The following CEP290 variants were observed in gnomAD, a reference collection of about 807,000 sequenced individuals.
CEP290 encodes centrosomal protein of 290 kDa.
In CEP290, 317 loss-of-function variants were observed where a neutral mutation model predicts 344.9. The observed-to-expected ratio is 0.92, with a 90% CI of 0.84 to 1.01. The LOEUF (loss-of-function observed/expected upper bound fraction) is 1.01. Ranked by LOEUF, CEP290 falls within the 50% of genes least tolerant of loss-of-function variation. CEP290 has a pLI of 0.00. For missense variants in CEP290, 2,754 were observed against 2,761.4 expected, an observed-to-expected ratio of 1.00 and a Z score of 0.06; for synonymous variants, 932 against 895.8, an observed-to-expected ratio of 1.04 and a Z score of -0.72.
At chr12:88,119,460 G>A (rs1004765621) in intron 15 of CEP290, among the ~76,000 whole-genome samples, 3 of 151,986 alleles carry the variant, frequency 2.0e-5, no homozygotes, top group East Asian at 1.9e-4. Flanking sequence ...AAAGTAAAAC[G>A]TAAGTAGTCT....
chr12:88,074,747 G>A lies in CEP290; in HGVS notation c.5709+2475C>T, dbSNP rs933979916. ...GAGGGGGTCCTGCCCCATACCCTAG[G>A]AGAAGAAATACTGATGTCATGAAGC... is the stretch of plus-strand genomic sequence containing the variant. On this transcript the variant is annotated intron_variant, in intron 41 of 53. Transcript: ENST00000552810. 4.6e-5 allele frequency among the ~76,000 whole-genome samples: 7 copies of A among 152,126 alleles called. No individual in the cohort carries two copies. In the East Asian group the frequency reaches 1.4e-3, roughly 29 times the overall value.
chr12:88,120,392 A>G, intron 14 of CEP290, 116 bp from the exon 15 acceptor site: 1 of 477,038 alleles, frequency 2.1e-6, no homozygotes, highest in South Asian at 5.1e-5. Context: ...CCTATAATTT[A>G]TATCATTACA....
At chr12:88,055,751 C>T (rs750838874) in intron 49 of CEP290, 34 bp from the exon 50 acceptor site, 4 of 1,359,174 alleles carry the variant, frequency 2.9e-6, no homozygotes, top group Non-Finnish European at 3.9e-6. Flanking sequence ...ATAGACATGG[C>T]AAATAATTTA....
intron 13 of CEP290, among the ~76,000 whole-genome samples, chr12:88,124,064 C>T (rs1038052892): frequency 3.7e-4 from 57 of 152,220 alleles, no homozygotes; most frequent in African/African-American, 1.3e-3. Context: ...TTGCAATAGT[C>T]TTCTAACAGG....
chr12:88,075,049 G>A (rs1003181997), intron 41 of CEP290, among the ~76,000 whole-genome samples: 2 of 152,264 alleles, frequency 1.3e-5, no homozygotes, highest in Admixed American at 6.5e-5. Context: ...CGGAAGTCAC[G>A]GAGGCCTGGA....
chr12:88,060,410 T>G (rs1483876993), intron 47 of CEP290, among the ~76,000 whole-genome samples: 2 of 152,102 alleles, frequency 1.3e-5, no homozygotes, highest in Non-Finnish European at 2.9e-5. Flanking sequence ...ATACGAAAAG[T>G]TAGCCAGGCG....
chr12:88,087,753 AAAAATGAAAT>A lies in CEP290; in HGVS notation c.4194+17_4194+26del. 2.0e-6 allele frequency: 2 copies of A among 985,982 alleles called. No homozygotes were observed. Among genetic ancestry groups the A allele is most frequent in the Non-Finnish European group, 2.7e-6 (2 of 743,104 alleles). 61.1% of individuals were successfully genotyped at this position (985,982 alleles called of 1,614,324 possible). Reference sequence around the variant, plus strand: ...AAAAAAAAAAAAAAAACTTAGGGAAAAAAATGAAATAAATATAAAATAAAACCTTGTTCTG... The same window carrying A: ...AAAAAAAAAAAAAAAACTTAGGGAAAAAATATAAAATAAAACCTTGTTCTG... On this transcript the variant is annotated intron_variant, in intron 32 of 53. Coordinates refer to ENST00000552810, the MANE Select transcript of CEP290 (RefSeq NM_025114.4).
chr12:88,086,170 C>T lies in CEP290; in HGVS notation c.4306G>A (p.Glu1436Lys). 1 of 1,608,564 alleles carries T rather than the reference C, an allele frequency of 6.2e-7. No individual in the cohort carries two copies. The highest frequency in any genetic ancestry group is 1.7e-4 in the Middle Eastern group (1 of 6,046). The stretch of plus-strand genomic sequence containing the variant: ...TCAGGGATTGATCCTGTAGCTTCTT[C>T]AAACTATTAAGAAATAGTATGTTTT... ...NEILNAAQKFEEATGSIPDPS... is the reference protein window; with the variant it reads ...NEILNAAQKFKEATGSIPDPS... The change falls in exon 34 of 54, where the codon GAA becomes AAA. Residue 1436 changes from glutamate to lysine, a missense_variant. By Grantham distance (56) the Glu-to-Lys change is moderately conservative. Transcript: ENST00000552810.
At chr12:88,079,849 A>G (rs997590615) in intron 38 of CEP290, among the ~76,000 whole-genome samples, 6 of 152,144 alleles carry the variant, frequency 3.9e-5, no homozygotes, top group African/African-American at 1.4e-4. Flanking sequence ...TTTGTTAAAA[A>G]TAGCCTCAGT....
intron 37 of CEP290, among the ~76,000 whole-genome samples, chr12:88,081,900 T>C (rs2036225792): frequency 1.3e-5 from 2 of 152,294 alleles, no homozygotes; most frequent in Middle Eastern, 3.4e-3. Context: ...GTACAAAATT[T>C]AATAGAGTGA....
intron 5 of CEP290, among the ~76,000 whole-genome samples, chr12:88,138,393 A>C (rs2040457636): frequency 6.6e-6 from 1 of 152,206 alleles, no homozygotes; most frequent in African/African-American, 2.4e-5. Flanking sequence ...GCATTTTCCC[A>C]GGAGCTGGAT....
intron 26 of CEP290, 69 bp downstream of exon 26, chr12:88,102,769 C>A: frequency 7.7e-7 from 1 of 1,298,480 alleles, no homozygotes; most frequent in South Asian, 1.4e-5. Context: ...TCTGCCAAAT[C>A]CCCCCAAACA....
At chr12:88,061,823 G>A (rs1350928525) in intron 46 of CEP290, among the ~76,000 whole-genome samples, 1 of 151,680 alleles carries the variant, frequency 6.6e-6, no homozygotes, top group Non-Finnish European at 1.5e-5. Flanking sequence ...CTGTCGCCCA[G>A]GCTGGAGTAC....
chr12:88,076,858 A>G lies in CEP290; in HGVS notation c.5709+364T>C, dbSNP rs546568037. ...TAAAATGTCTATCTTTCTGTCCCAA[A>G]AGTCAAAAGCACCAACCTGTGTAAA... On this transcript the variant is annotated intron_variant, in intron 41 of 53. Transcript: ENST00000552810. Among the ~76,000 whole-genome samples, 3 of 152,170 alleles carry G rather than the reference A, an allele frequency of 2.0e-5. No individual in the cohort carries two copies. The East Asian group carries it at 5.8e-4, about 29-fold the overall frequency.
chr12:88,059,151 T>C (rs569407190), intron 48 of CEP290, 131 bp from the exon 49 acceptor site: 6 of 640,732 alleles, frequency 9.4e-6, no homozygotes, highest in Middle Eastern at 4.1e-4. Context: ...GATTAAAATT[T>C]CAACAAATTC....
Position 88,087,900 on chromosome 12 carries a change from T to C in CEP290, c.4074A>G (p.Glu1358=), listed in dbSNP as rs1031453040. The change falls in exon 32 of 54, where the codon GAA becomes GAG. Residue 1358 remains glutamate (E), a synonymous_variant. Transcript: ENST00000552810. ...TGACTAATTCCCGATTTAGTTTAAG[T>C]TCTTGAAGACGAAGTTCTTCTATTT... The part of the protein sequence containing the change: ...HMKIEELRLQ[E]LKLNRELVKD... The C allele has an allele frequency of 8.2e-7, 1 of 1,222,820 alleles. No individual in the cohort carries two copies. Among genetic ancestry groups the C allele is most frequent in the Non-Finnish European group, 1.0e-6 (1 of 955,594 alleles). 75.7% of individuals were successfully genotyped at this position (1,222,820 alleles called of 1,614,324 possible).
intron 23 of CEP290, among the ~76,000 whole-genome samples, 164 bp from the exon 24 acceptor site, chr12:88,107,262 G>T (rs2038353244): frequency 6.6e-6 from 1 of 152,072 alleles, no homozygotes; most frequent in Non-Finnish European, 1.5e-5. Context: ...TTTAAAAAGG[G>T]TTTAGCCTAG....
At chr12:88,128,184 G>C (rs967702468) in intron 11 of CEP290, among the ~76,000 whole-genome samples, 3 of 152,050 alleles carry the variant, frequency 2.0e-5, no homozygotes, top group African/African-American at 7.2e-5. Context: ...AATATTCACT[G>C]TCTGGCCCTT....
chr12:88,134,308 C>T (rs2040238814), intron 6 of CEP290, among the ~76,000 whole-genome samples: 1 of 152,234 alleles, frequency 6.6e-6, no homozygotes, highest in Admixed American at 6.5e-5. Context: ...CATCCAATTA[C>T]ATCTACTTCT....
Sources: allele counts gnomAD v4.1 joint callset (sites outside exome capture counted in the v4.1 genomes callset), GRCh38; gene constraint gnomAD v4.1.1; transcripts MANE v1.5; gene names NCBI Gene and HGNC (gene_info 2026-07-23, HGNC 2026-07-21).